Variants in MAP2K6 observed in about 807,000 individuals in gnomAD.
MAP2K6 encodes the protein dual specificity mitogen-activated protein kinase kinase 6.
Under a neutral mutation model 53.7 loss-of-function variants are expected in MAP2K6, and 16 were observed. That is an observed-to-expected ratio of 0.30 (90% CI 0.20 to 0.45). The LOEUF is 0.45. Ranked by LOEUF, MAP2K6 falls within the 20% of genes least tolerant of loss-of-function variation. MAP2K6 has a pLI of 1.00. For missense variants in MAP2K6, 204 were observed against 411.9 expected (o/e 0.50, Z 4.37); for synonymous variants, 132 against 143.1 (o/e 0.92, Z 0.55).
Position 69,467,289 on chromosome 17 carries a change from C to G in MAP2K6, c.17-38491C>G, listed in dbSNP as rs1290924539. On this transcript the variant is annotated intron_variant, in intron 1 of 11. Coordinates refer to ENST00000590474, the MANE Select transcript of MAP2K6 (RefSeq NM_002758.4). ...ACATGTTAGAATTTGTGTTTTGATA[C>G]TTGTCAGGGAGAACTCCTGGGATGA... Among the ~76,000 whole-genome samples, 6 of 152,294 alleles carry G rather than the reference C, an allele frequency of 3.9e-5. No homozygotes were observed. In the East Asian group the frequency reaches 1.2e-3, roughly 29 times the overall value.
Position 69,548,801 on chromosome 17 carries a change from A to G in MAP2K6, c.*7048A>G, listed in dbSNP as rs922182997. The G allele has an allele frequency of 6.6e-6, 1 of 152,186 alleles. No homozygotes were observed. 9.4% of individuals were successfully genotyped at this position (152,186 alleles called of 1,614,324 possible). A position where few individuals can be genotyped will look rare whatever the true frequency, so the allele number is the denominator to read the frequency against. ...TTTACAGCTATGCAAATATTGTACT[A>G]TTACAGATTTTTCTAATGAAGTAGT... is the stretch of plus-strand genomic sequence containing the variant. On this transcript the variant is annotated 3_prime_UTR_variant, in exon 12 of 12. Transcript: ENST00000590474.
chr17:69,475,200 A>G (rs1232399733), intron 1 of MAP2K6, among the ~76,000 whole-genome samples: 161 of 124,740 alleles, frequency 1.3e-3, no homozygotes, highest in African/African-American at 4.9e-3. Flanking sequence ...ACGGAGTCTC[A>G]CTGTGTCTCC....
intron 10 of MAP2K6, among the ~76,000 whole-genome samples, chr17:69,533,255 C>T (rs1272644669): frequency 6.6e-6 from 1 of 151,988 alleles, no homozygotes; most frequent in African/African-American, 2.4e-5. Context: ...TCTTTATAAG[C>T]TGTTCCAGAA....
chr17:69,526,549 C>CT (rs778343788), intron 9 of MAP2K6, 21 bp from the exon 10 acceptor site: 20 of 1,610,888 alleles, frequency 1.2e-5, no homozygotes, highest in Non-Finnish European at 1.7e-5. Flanking sequence ...CTGTTGTCTC[C>CT]TTTTTTCTTC....
intron 1 of MAP2K6, among the ~76,000 whole-genome samples, chr17:69,421,126 G>A (rs1170224289): frequency 6.6e-6 from 1 of 152,154 alleles, no homozygotes; most frequent in Non-Finnish European, 1.5e-5. Flanking sequence ...GTCTGACAAT[G>A]AAAGTATTTT....
chr17:69,533,558 A>G (rs1911197051), intron 10 of MAP2K6, among the ~76,000 whole-genome samples: 1 of 152,156 alleles, frequency 6.6e-6, no homozygotes, highest in South Asian at 2.1e-4. Context: ...GCGGAGTTTA[A>G]GGTCTAAATA....
intron 2 of MAP2K6, among the ~76,000 whole-genome samples, chr17:69,512,646 TTAAA>T (rs1460453986): frequency 3.3e-5 from 5 of 152,166 alleles, no homozygotes; most frequent in Admixed American, 1.3e-4. Context: ...CTGAGTGTTC[TTAAA>T]TTATTTAGTC....
chr17:69,469,277 T>C (rs1005771133), intron 1 of MAP2K6, among the ~76,000 whole-genome samples: 6 of 152,242 alleles, frequency 3.9e-5, no homozygotes, highest in Non-Finnish European at 7.3e-5. Flanking sequence ...TCTTCCACTT[T>C]TAAGGACTAT....
At chr17:69,532,459 T>G (rs998475728) in intron 10 of MAP2K6, among the ~76,000 whole-genome samples, 3 of 152,228 alleles carry the variant, frequency 2.0e-5, no homozygotes, top group Non-Finnish European at 2.9e-5. Flanking sequence ...TTAGGGCAGT[T>G]AGCTAATTGC....
At chr17:69,450,198 C>T (rs1907172861) in intron 1 of MAP2K6, among the ~76,000 whole-genome samples, 1 of 151,616 alleles carries the variant, frequency 6.6e-6, no homozygotes, top group Non-Finnish European at 1.5e-5. Context: ...GGTGATCCAC[C>T]TGCCTCGGCC....
intron 10 of MAP2K6, among the ~76,000 whole-genome samples, 200 bp downstream of exon 10, chr17:69,526,909 CAT>C (rs749245867): frequency 5.3e-5 from 8 of 152,104 alleles, no homozygotes; most frequent in Non-Finnish European, 1.0e-4. Flanking sequence ...AGAGAAGTCT[CAT>C]AAATGAATAA....
At position 69,519,393 on chromosome 17, in the gene MAP2K6, T is replaced by C. The variant is rs1567851733; in HGVS notation, c.327T>C (p.Cys109=). ...DLDISMRTVD[C]PFTVTFYGAL... ...ATATTTCCATGAGGACGGTGGACTG[T>C]CCATTCACTGTCACCTTTTATGGCG... Residue 109 remains cysteine (C), a synonymous_variant, in exon 5 of 12, where the codon TGT becomes TGC. Coordinates refer to ENST00000590474, the MANE Select transcript of MAP2K6 (RefSeq NM_002758.4). 1 of 1,614,156 alleles carries C rather than the reference T, an allele frequency of 6.2e-7. No homozygotes were observed. The highest frequency in any genetic ancestry group is 2.2e-5 in the East Asian group (1 of 44,890).
chr17:69,429,283 G>GAA (rs35219021), intron 1 of MAP2K6, among the ~76,000 whole-genome samples: 1 of 135,848 alleles, frequency 7.4e-6, no homozygotes. Flanking sequence ...TACAAAAAGT[G>GAA]AAAAAAAAAA....
chr17:69,423,912 A>G (rs117326832), intron 1 of MAP2K6, among the ~76,000 whole-genome samples: 2,137 of 152,256 alleles, frequency 0.014, 24 homozygotes, highest in Non-Finnish European at 0.021. Context: ...ATCACTTTTC[A>G]TGGCAAAAAC....
At chr17:69,528,181 T>C (rs1248450820) in intron 10 of MAP2K6, among the ~76,000 whole-genome samples, 1 of 145,662 alleles carries the variant, frequency 6.9e-6, no homozygotes, top group Non-Finnish European at 1.5e-5. Context: ...ACAAAGCAAC[T>C]GTCTGTTGCT....
rs573591107 is a variant in MAP2K6 at position 69,494,893 on chromosome 17, T to A, written c.17-10887T>A. The stretch of plus-strand genomic sequence containing the variant: ...GGTGGCGCACTTCTGTAATCCCAGC[T>A]ACTCGGGAGGCTGAGATAGGAGCAT... On this transcript the variant is annotated intron_variant, in intron 1 of 11. Coordinates refer to ENST00000590474, the MANE Select transcript of MAP2K6 (RefSeq NM_002758.4). The surrounding 1 kb of genome is among the most constrained non-coding windows in gnomAD (Gnocchi z 4.2). Among the ~76,000 whole-genome samples the A allele has an allele frequency of 3.3e-5, 5 of 152,028 alleles. No homozygotes were observed. Among genetic ancestry groups the A allele is most frequent in the African/African-American group, 1.2e-4 (5 of 41,490 alleles).
At chr17:69,524,773 G>C (rs1910675332) in intron 8 of MAP2K6, 128 bp from the exon 9 acceptor site, 1 of 581,762 alleles carries the variant, frequency 1.7e-6, no homozygotes, top group African/African-American at 1.8e-5. Flanking sequence ...TCTTGGCCTT[G>C]GTGGCATGTT....
intron 11 of MAP2K6, 120 bp downstream of exon 11, chr17:69,536,280 G>GA: frequency 5.5e-6 from 4 of 730,514 alleles, no homozygotes; most frequent in Non-Finnish European, 9.6e-6. Flanking sequence ...ATACATCAGT[G>GA]ACAGGAATTG....
intron 9 of MAP2K6, 75 bp from the exon 10 acceptor site, chr17:69,526,495 C>A: frequency 6.6e-7 from 1 of 1,524,894 alleles, no homozygotes. Flanking sequence ...GCTGTCTATC[C>A]ACAAATGAAA....
Sources: gnomAD v4.1 joint callset for allele counts (sites outside exome capture counted in the v4.1 genomes callset) on GRCh38, gnomAD v4.1.1 for gene constraint, Gnocchi (gnomAD v3.1) non-coding constraint, MANE v1.5 for transcripts, NCBI Gene and HGNC (gene_info 2026-07-23, HGNC 2026-07-21) for gene names.